The following MGAM2 variants were observed in gnomAD, a reference collection of about 807,000 sequenced individuals.
MGAM2 encodes probable maltase-glucoamylase 2.
A neutral mutation model predicts 96.1 loss-of-function variants in MGAM2; 98 were observed. That is an observed-to-expected ratio of 1.02 (90% confidence interval 0.87 to 1.21). The LOEUF (loss-of-function observed/expected upper bound fraction) is 1.21, where lower values mean the gene tolerates loss of function less well. MGAM2 is among the 50% of genes most tolerant of loss of function. MGAM2 has a pLI of 0.00. For missense variants in MGAM2, 2,055 were observed against 1,182.4 expected, an observed-to-expected ratio of 1.74 and a Z score of -10.82; for synonymous variants, 749 against 414.8, an observed-to-expected ratio of 1.81 and a Z score of -9.79.
chr7:142,124,461 C>G (rs1343836092), intron 3 of MGAM2, among the ~76,000 whole-genome samples: 2 of 152,114 alleles, frequency 1.3e-5, no homozygotes, highest in East Asian at 1.9e-4. Context: ...GCCTTAATAA[C>G]TATTGCTTTA....
chr7:142,134,061 A>G lies in MGAM2; in HGVS notation c.656A>G (p.Tyr219Cys), dbSNP rs1794984815. 1 of 761,732 alleles carries G rather than the reference A, an allele frequency of 1.3e-6. No individual in the cohort carries two copies. 47.2% of individuals were successfully genotyped at this position (761,732 alleles called of 1,614,324 possible). A position where few individuals can be genotyped will look rare whatever the true frequency, so the allele number is the denominator to read the frequency against. Residue 219 changes from tyrosine (Y) to cysteine (C), a missense_variant, in exon 7 of 48, where the codon TAT becomes TGT. By Grantham distance (194) the Tyr-to-Cys change is radical. Coordinates refer to ENST00000477922, the MANE Select transcript of MGAM2 (RefSeq NM_001293626.2). ...TTCCGACTGCCCAGTGCCAATGTGTATGGGCTGGGAGAGCATGTGCACCAG... is the reference window on the plus strand; with the variant it reads ...TTCCGACTGCCCAGTGCCAATGTGTGTGGGCTGGGAGAGCATGTGCACCAG... Reference protein sequence around the residue: ...LSFRLPSANVYGLGEHVHQQY... With the variant: ...LSFRLPSANVCGLGEHVHQQY...
At chr7:142,114,149 A>AGAAG (rs1257919934) in intron 1 of MGAM2, among the ~76,000 whole-genome samples, 4 of 107,848 alleles carry the variant, frequency 3.7e-5, no homozygotes, top group African/African-American at 8.4e-5. Context: ...AAAGAAAGAA[A>AGAAG]GAAGGAAAGA....
At chr7:142,201,881 G>A (rs1041188383) in intron 45 of MGAM2, among the ~76,000 whole-genome samples, 3 of 151,940 alleles carry the variant, frequency 2.0e-5, no homozygotes, top group African/African-American at 7.3e-5. Flanking sequence ...TCATTTTAAT[G>A]GTCAAAAAAT....
chr7:142,144,997 C>T (rs1795342009), intron 14 of MGAM2, 52 bp downstream of exon 14: 3 of 698,766 alleles, frequency 4.3e-6, no homozygotes, highest in African/African-American at 1.7e-5. Context: ...GTTTAAAACA[C>T]CCTCAGTAAT....
chr7:142,132,550 AAT>A (rs1794923022), intron 6 of MGAM2, among the ~76,000 whole-genome samples: 1 of 133,540 alleles, frequency 7.5e-6, no homozygotes, highest in African/African-American at 2.8e-5. Context: ...TATATAATTT[AAT>A]TATACATTCC....
rs1797048219 is a variant in MGAM2, at chr7:142,196,627, T to A, written c.4515+28T>A. On this transcript the variant is annotated intron_variant, in intron 39 of 47. Transcript: ENST00000477922. Reference sequence around the variant, plus strand: ...AAGTCACATTCAGACCATTACTAATTGCCCAGTCAGATTTTAGTGAGTCAG... The same window carrying A: ...AAGTCACATTCAGACCATTACTAATAGCCCAGTCAGATTTTAGTGAGTCAG... 5.4e-6 allele frequency: 4 copies of A among 734,632 alleles called. No homozygotes were observed. In the East Asian group the frequency reaches 7.6e-5, roughly 14 times the overall value. The allele number at this position is 734,632 out of a possible 1,614,324, so 45.5% of individuals were successfully genotyped here.
At chr7:142,192,566 A>G (rs1304128990) in intron 37 of MGAM2, among the ~76,000 whole-genome samples, 4 of 152,214 alleles carry the variant, frequency 2.6e-5, no homozygotes, top group Admixed American at 1.3e-4. Flanking sequence ...ATGTTGGTTA[A>G]AAGAAGAGTA....
intron 22 of MGAM2, 99 bp downstream of exon 22, chr7:142,161,312 T>C: frequency 1.7e-6 from 1 of 595,642 alleles, no homozygotes; most frequent in East Asian, 2.9e-5. Context: ...CTATTAGCAC[T>C]GTCGTTTACA....
At chr7:142,149,950 T>TC (rs1795519479) in intron 15 of MGAM2, among the ~76,000 whole-genome samples, 2 of 151,932 alleles carry the variant, frequency 1.3e-5, no homozygotes, top group Non-Finnish European at 2.9e-5. Flanking sequence ...TAAATTCTTT[T>TC]TTTTTTTTGA....
chr7:142,181,658 G>A (rs958582219), intron 32 of MGAM2, among the ~76,000 whole-genome samples: 1 of 152,180 alleles, frequency 6.6e-6, no homozygotes, highest in Admixed American at 6.5e-5. Flanking sequence ...CTGAGCCAAA[G>A]GTCAAGTCAC....
intron 3 of MGAM2, among the ~76,000 whole-genome samples, chr7:142,125,165 C>G (rs1280787111): frequency 6.6e-6 from 1 of 152,046 alleles, no homozygotes; most frequent in African/African-American, 2.4e-5. Context: ...TTAACTAAAC[C>G]TAATAAATAA....
At chr7:142,123,963 CTTTTTTTTTTTT>C (rs960655956) in intron 3 of MGAM2, among the ~76,000 whole-genome samples, 50 of 98,100 alleles carry the variant, frequency 5.1e-4, no homozygotes, top group Middle Eastern at 7.1e-3. Context: ...AGTCCAGAAA[CTTTTTTTTTTTT>C]TTTTTTTTTT....
chr7:142,215,902 C>G (rs1797747177), intron 46 of MGAM2, among the ~76,000 whole-genome samples: 1 of 151,790 alleles, frequency 6.6e-6, no homozygotes, highest in Non-Finnish European at 1.5e-5. Context: ...AATGTGACTA[C>G]TAGAAAGTAT....
chr7:142,121,424 G>C (rs184201986), intron 3 of MGAM2, among the ~76,000 whole-genome samples: 222 of 152,210 alleles, frequency 1.5e-3, no homozygotes, highest in South Asian at 3.3e-3. Context: ...TGATCCACCT[G>C]CCTCAGCCTC....
In MGAM2 at chr7:142,154,175, T is replaced by C; in HGVS notation, c.1792T>C (p.Phe598Leu). Residue 598 changes from phenylalanine to leucine, a missense_variant, in exon 16 of 48, where the codon TTT becomes CTT. Phe to Leu is a conservative substitution (Grantham distance 22). Coordinates refer to ENST00000477922, the MANE Select transcript of MGAM2 (RefSeq NM_001293626.2). ...CCCCACTATCCTTGAGTTCAACCTGTTTGGCATCCCCATGGTGAGCCTTAT... is the reference window on the plus strand; with the variant it reads ...CCCCACTATCCTTGAGTTCAACCTGCTTGGCATCCCCATGGTGAGCCTTAT... ...SIPTILEFNL[F>L]GIPMVGANIC... 1.6e-6 allele frequency: 1 copy of C among 626,528 alleles called. No homozygotes were observed. The highest frequency in any genetic ancestry group is 3.0e-6 in the Non-Finnish European group (1 of 334,242). 38.8% of individuals were successfully genotyped at this position (626,528 alleles called of 1,614,324 possible).
At position 142,185,661 on chromosome 7, in the gene MGAM2, T is replaced by TA. The variant is rs528653689; in HGVS notation, c.3988-316dup. 8.6e-3 allele frequency among the ~76,000 whole-genome samples: 1,216 copies of TA among 141,644 alleles called. 7 individuals are homozygous for TA. The highest frequency in any genetic ancestry group is 0.036 in the South Asian group (161 of 4,444). The allele number at this position is 141,644 out of a possible 152,430, so 92.9% of individuals were successfully genotyped here. On this transcript the variant is annotated intron_variant, in intron 34 of 47. Coordinates refer to ENST00000477922, the MANE Select transcript of MGAM2 (RefSeq NM_001293626.2). ...TGCTAATATCACACTGATATTTAAG[T>TA]AAAAAAAAAAAAGAAAAAGTATTTG...
chr7:142,203,358 C>T (rs1001443376), intron 45 of MGAM2, among the ~76,000 whole-genome samples: 2 of 151,932 alleles, frequency 1.3e-5, no homozygotes, highest in Non-Finnish European at 2.9e-5. Context: ...CCAAGACCAA[C>T]GTTGAGAAAT....
chr7:142,121,127 A>G (rs1794556721), intron 3 of MGAM2, among the ~76,000 whole-genome samples: 1 of 152,004 alleles, frequency 6.6e-6, no homozygotes, highest in South Asian at 2.1e-4. Context: ...TCTTGTTATA[A>G]AAACATAGAA....
intron 3 of MGAM2, among the ~76,000 whole-genome samples, chr7:142,123,503 T>C (rs1225092673): frequency 1.3e-5 from 2 of 152,222 alleles, no homozygotes; most frequent in African/African-American, 4.8e-5. Context: ...TTAACCATTC[T>C]ATGGTTTTAA....
Sources: allele counts gnomAD v4.1 joint callset (sites outside exome capture counted in the v4.1 genomes callset), GRCh38; gene constraint gnomAD v4.1.1; transcripts MANE v1.5; gene names NCBI Gene and HGNC (gene_info 2026-07-23, HGNC 2026-07-21).